Variants in TDRD10 observed in about 807,000 individuals in gnomAD.
TDRD10 encodes the protein tudor domain containing 10.
A neutral mutation model predicts 48.0 loss-of-function variants in TDRD10; 40 were observed. That is an observed-to-expected ratio of 0.83 (90% confidence interval 0.65 to 1.09). The LOEUF is 1.09. Ranked by LOEUF, TDRD10 falls within the 50% of genes least tolerant of loss-of-function variation. TDRD10 has a pLI of 0.00. For missense variants in TDRD10, 378 were observed against 434.7 expected, an observed-to-expected ratio of 0.87 and a Z score of 1.16; for synonymous variants, 162 against 170.4, an observed-to-expected ratio of 0.95 and a Z score of 0.38.
intron 4 of TDRD10, among the ~76,000 whole-genome samples, chr1:154,510,485 G>A (rs1377735992): frequency 4.6e-5 from 7 of 151,884 alleles, no homozygotes; most frequent in Non-Finnish European, 8.8e-5. Context: ...CCAGCTACTC[G>A]GGAGGCTGAG....
At chr1:154,517,668 C>T (rs902399456) in intron 4 of TDRD10, among the ~76,000 whole-genome samples, 1 of 152,164 alleles carries the variant, frequency 6.6e-6, no homozygotes, top group African/African-American at 2.4e-5. Context: ...GTGATCTGCC[C>T]ACCTCAGCCT....
intron 4 of TDRD10, among the ~76,000 whole-genome samples, chr1:154,514,146 C>G (rs376150199): frequency 6.6e-6 from 1 of 152,118 alleles, no homozygotes; most frequent in East Asian, 1.9e-4. Context: ...GCTGAGGTCA[C>G]GCCACCGCAT....
intron 6 of TDRD10, among the ~76,000 whole-genome samples, chr1:154,540,767 C>G (rs1695183076): frequency 6.6e-6 from 1 of 152,052 alleles, no homozygotes; most frequent in South Asian, 2.1e-4. Flanking sequence ...TGGAGATGGC[C>G]TTGGAGAGAA....
At chr1:154,504,569 C>A (rs1693039011) in intron 1 of TDRD10, among the ~76,000 whole-genome samples, 1 of 152,158 alleles carries the variant, frequency 6.6e-6, no homozygotes, top group Admixed American at 6.5e-5. Flanking sequence ...CTTTTAGCCA[C>A]CCTGATTGAT....
intron 6 of TDRD10, among the ~76,000 whole-genome samples, chr1:154,536,319 T>G (rs527377775): frequency 4.2e-4 from 64 of 152,248 alleles, no homozygotes; most frequent in South Asian, 8.3e-4. Flanking sequence ...GAGGTTGCGG[T>G]GAGCTGAGAT....
intron 6 of TDRD10, among the ~76,000 whole-genome samples, chr1:154,531,560 G>A (rs115490290): frequency 4.6e-5 from 7 of 152,258 alleles, no homozygotes; most frequent in East Asian, 3.9e-4. Context: ...CAGTGGGTTC[G>A]CGGTCTCGCT....
At chr1:154,540,963 G>C (rs962154321) in intron 6 of TDRD10, among the ~76,000 whole-genome samples, 3 of 152,208 alleles carry the variant, frequency 2.0e-5, no homozygotes, top group Non-Finnish European at 2.9e-5. Context: ...GGATTTGGCA[G>C]TGTGACTGTT....
chr1:154,533,867 G>C (rs1386632990), intron 6 of TDRD10, among the ~76,000 whole-genome samples: 2 of 145,894 alleles, frequency 1.4e-5, no homozygotes, highest in Non-Finnish European at 3.0e-5. Flanking sequence ...CAGCCACTGT[G>C]CCCAGCCATA....
chr1:154,506,468 C>T (rs1008901206), intron 1 of TDRD10, among the ~76,000 whole-genome samples: 27 of 152,052 alleles, frequency 1.8e-4, no homozygotes, highest in African/African-American at 6.3e-4. Context: ...CTCTGCCTCC[C>T]GAGTTCAAGC....
intron 6 of TDRD10, among the ~76,000 whole-genome samples, chr1:154,541,270 C>T (rs1245887533): frequency 9.2e-5 from 5 of 54,176 alleles, no homozygotes; most frequent in South Asian, 6.2e-4. Flanking sequence ...GGAGGGATGG[C>T]GGGGAGGGCA....
At chr1:154,545,457 G>A (rs1695496732) in intron 11 of TDRD10, among the ~76,000 whole-genome samples, 1 of 152,192 alleles carries the variant, frequency 6.6e-6, no homozygotes, top group African/African-American at 2.4e-5. Flanking sequence ...TCTCAAGATC[G>A]AAGTTAGGTG....
In TDRD10 at chr1:154,521,400, A is replaced by G. The variant is rs1289080068; in HGVS notation, c.290A>G (p.Lys97Arg). The change falls in exon 6 of 13, where the codon AAG becomes AGG. Residue 97 changes from lysine (K) to arginine (R), a missense_variant. Lys to Arg is a conservative substitution (Grantham distance 26). Transcript: ENST00000368482. ...IQELNGKLFH[K>R]RKLFVNTSKR... ...GAGCTGAATGGTAAACTCTTCCACA[A>G]GCGAAAACTGTTCGTGAATACAAGC... 1.9e-6 allele frequency: 3 copies of G among 1,614,172 alleles called. No homozygotes were observed. The highest frequency in any genetic ancestry group is 2.2e-5 in the South Asian group (2 of 91,082).
intron 10 of TDRD10, 63 bp downstream of exon 10, chr1:154,544,580 G>T (rs1342409632): frequency 3.8e-6 from 6 of 1,567,084 alleles, no homozygotes; most frequent in Non-Finnish European, 5.2e-6. Context: ...CTCCCTTCTT[G>T]CATTCTCTTC....
chr1:154,540,890 G>A (rs530080020), intron 6 of TDRD10, among the ~76,000 whole-genome samples: 3 of 152,332 alleles, frequency 2.0e-5, no homozygotes, highest in African/African-American at 4.8e-5. Flanking sequence ...CAAGAGATGC[G>A]TTTCTGCAAA....
intron 6 of TDRD10, among the ~76,000 whole-genome samples, chr1:154,540,725 T>A (rs1695179312): frequency 6.6e-6 from 1 of 152,062 alleles, no homozygotes; most frequent in Middle Eastern, 3.2e-3. Context: ...TGAGAGTCCG[T>A]GGTACATTGT....
intron 4 of TDRD10, among the ~76,000 whole-genome samples, chr1:154,518,345 A>T (rs780473317): frequency 6.6e-6 from 1 of 152,216 alleles, no homozygotes; most frequent in Non-Finnish European, 1.5e-5. Context: ...AATCCTAATA[A>T]GTTACTTTTA....
At chr1:154,513,322 A>G (rs1231264734) in intron 4 of TDRD10, among the ~76,000 whole-genome samples, 1 of 152,256 alleles carries the variant, frequency 6.6e-6, no homozygotes, top group East Asian at 1.9e-4. Flanking sequence ...AGAAGGAAGA[A>G]GTATTTATCT....
intron 6 of TDRD10, among the ~76,000 whole-genome samples, chr1:154,527,433 T>C (rs372966936): frequency 1.3e-5 from 2 of 152,238 alleles, no homozygotes; most frequent in Non-Finnish European, 2.9e-5. Context: ...TGCTTATTCA[T>C]GTAGAAAACT....
chr1:154,547,875 AAG>A lies in TDRD10; in HGVS notation c.*170_*171del, dbSNP rs1695694467. ...CTTTTACTCCCAGCTTCCCTCTCAA[AAG>A]AGAGTGAAGTCTCATTTGTCATGTG... On this transcript the variant is annotated 3_prime_UTR_variant, in exon 13 of 13. Coordinates refer to ENST00000368482, the MANE Select transcript of TDRD10 (RefSeq NM_182499.4). 9.7e-6 allele frequency: 7 copies of A among 725,122 alleles called. No homozygotes were observed. The highest frequency in any genetic ancestry group is 5.5e-5 in the Admixed American group (2 of 36,416). 44.9% of individuals were successfully genotyped at this position (725,122 alleles called of 1,614,324 possible).
Sources: gnomAD v4.1 joint callset for allele counts (sites outside exome capture counted in the v4.1 genomes callset) on GRCh38, gnomAD v4.1.1 for gene constraint, MANE v1.5 for transcripts, NCBI Gene and HGNC (gene_info 2026-07-23, HGNC 2026-07-21) for gene names.